TRPA1: variants seen among roughly 807,000 people sequenced by gnomAD.
TRPA1 encodes ankyrin-like with transmembrane domains 1.
A neutral mutation model predicts 131.3 loss-of-function variants in TRPA1; 129 were observed. The ratio of observed to expected loss-of-function variants is 0.98; its 90% confidence interval spans 0.85 to 1.14. The LOEUF is 1.14. Among genes scored for constraint, TRPA1 ranks in the 50% most tolerant of loss-of-function variants. TRPA1 has a pLI of 0.00. For missense variants in TRPA1, 1,304 were observed against 1,354.2 expected (o/e 0.96, Z 0.58); for synonymous variants, 441 against 451.7 (o/e 0.98, Z 0.30).
the TRPA1 span, among the ~76,000 whole-genome samples, chr8:72,089,721 A>G: frequency 6.6e-6 from 1 of 152,120 alleles, no homozygotes; most frequent in Non-Finnish European, 1.5e-5. Context: ...TTTTTACCTC[A>G]TCTAGTTCAT....
rs768604987 is a variant in TRPA1, at chr8:72,071,798, C to T, written c.181G>A (p.Asp61Asn). The change falls in exon 2 of 27, where the codon GAT becomes AAT. Residue 61 changes from aspartate (D) to asparagine (N), a missense_variant. Asp to Asn is a conservative substitution (Grantham distance 23). Coordinates refer to ENST00000262209, the MANE Select transcript of TRPA1 (RefSeq NM_007332.3). ...TAATGCAAGAAGAAGGTGTCCATAT[C>T]GTCACATCTTTTTAATTTCTTTTGC... ...NKQKKLKRCD[D>N]MDTFFLHYAA... 7.4e-6 allele frequency: 12 copies of T among 1,613,220 alleles called. No individual in the cohort carries two copies. Among genetic ancestry groups the T allele is most frequent in the East Asian group, 2.2e-5 (1 of 44,836 alleles).
chr8:72,025,921 G>T, intron 25 of TRPA1, 39 bp downstream of exon 25: 1 of 1,533,714 alleles, frequency 6.5e-7, no homozygotes, highest in Non-Finnish European at 9.0e-7. Flanking sequence ...GTCAAACAGT[G>T]TCATGTTACT....
intron 6 of TRPA1, 142 bp from the exon 7 acceptor site, chr8:72,061,903 G>T: frequency 1.1e-6 from 1 of 911,324 alleles, no homozygotes; most frequent in Non-Finnish European, 1.7e-6. Context: ...CATCTGAAAT[G>T]TGATAGATAT....
At chr8:72,068,505 T>C (rs1805981566) in intron 3 of TRPA1, among the ~76,000 whole-genome samples, 1 of 152,168 alleles carries the variant, frequency 6.6e-6, no homozygotes, top group African/African-American at 2.4e-5. Context: ...AGGCCATCCA[T>C]TCTAACAAAA....
upstream of TRPA1, among the ~76,000 whole-genome samples, chr8:72,077,276 G>A (rs1022908176): frequency 2.8e-5 from 2 of 71,404 alleles, no homozygotes; most frequent in African/African-American, 1.1e-4. Context: ...CCGAGAGACA[G>A]GGGGTGACAG....
intron 14 of TRPA1, 42 bp downstream of exon 14, chr8:72,052,557 A>G (rs752321060): frequency 1.9e-5 from 31 of 1,611,498 alleles, no homozygotes; most frequent in Non-Finnish European, 1.9e-5. Context: ...TCATCCCAAC[A>G]CCAGAGAACA....
chr8:72,061,419 A>G (rs890346259), intron 7 of TRPA1, among the ~76,000 whole-genome samples: 10 of 152,204 alleles, frequency 6.6e-5, no homozygotes, highest in Non-Finnish European at 1.2e-4. Context: ...AGGTGATTTT[A>G]TTTTGTGAAA....
chr8:72,080,180 T>C (rs1806261833), upstream of TRPA1, among the ~76,000 whole-genome samples: 1 of 151,872 alleles, frequency 6.6e-6, no homozygotes. Flanking sequence ...TAGGACATTG[T>C]TGAATAGAAG....
intron 24 of TRPA1, chr8:72,029,610 G>A: frequency 3.9e-6 from 2 of 508,376 alleles, no homozygotes; most frequent in South Asian, 2.3e-5. Flanking sequence ...TATGATGTGT[G>A]AAAGTGATGC....
chr8:72,071,944 G>A, intron 1 of TRPA1, 77 bp from the exon 2 acceptor site: 2 of 1,342,858 alleles, frequency 1.5e-6, no homozygotes, highest in East Asian at 4.6e-5. Flanking sequence ...TAGCCTGAAA[G>A]AACTTATTAT....
chr8:72,083,385 A>G, the TRPA1 span, among the ~76,000 whole-genome samples: 1 of 152,128 alleles, frequency 6.6e-6, no homozygotes, highest in Non-Finnish European at 1.5e-5. Flanking sequence ...ATTTTGGCTT[A>G]TAACTGGACG....
chr8:72,082,867 A>T, the TRPA1 span, among the ~76,000 whole-genome samples: 1 of 151,732 alleles, frequency 6.6e-6, no homozygotes, highest in East Asian at 1.9e-4. Context: ...AACAGTTTTC[A>T]GTCATAATTT....
intron 4 of TRPA1, among the ~76,000 whole-genome samples, chr8:72,064,785 TG>T (rs1805891572): frequency 6.6e-6 from 1 of 151,470 alleles, no homozygotes; most frequent in African/African-American, 2.4e-5. Flanking sequence ...AAAGTCTATT[TG>T]CCGGCATTCT....
At chr8:72,028,335 C>A (rs570457866) in intron 24 of TRPA1, among the ~76,000 whole-genome samples, 1 of 152,356 alleles carries the variant, frequency 6.6e-6, no homozygotes, top group South Asian at 2.1e-4. Flanking sequence ...CTGCAGCAAT[C>A]TAATCACCCA....
chr8:72,036,372 A>T lies in TRPA1; in HGVS notation c.2471T>A (p.Val824Asp). The change falls in exon 21 of 27, where the codon GTT becomes GAT. Residue 824 changes from valine (V) to aspartate (D), a missense_variant. By Grantham distance (152) the Val-to-Asp change is radical. Transcript: ENST00000262209. ...CCACTGCAGATGAGCTGGTATTTCA[A>T]CAAACAAGGGCAGCACAAAAATGAT... ...TGIIFVLPLF[V>D]EIPAHLQWQC... 1 of 1,614,214 alleles carries T rather than the reference A, an allele frequency of 6.2e-7. No individual in the cohort carries two copies. The highest frequency in any genetic ancestry group is 8.5e-7 in the Non-Finnish European group (1 of 1,180,018).
At chr8:72,045,203 G>A (rs1045033285) in intron 17 of TRPA1, among the ~76,000 whole-genome samples, 38 of 151,888 alleles carry the variant, frequency 2.5e-4, no homozygotes, top group African/African-American at 8.7e-4. Flanking sequence ...CATCACCAGT[G>A]TTAAAGGCAT....
the TRPA1 span, among the ~76,000 whole-genome samples, chr8:72,082,165 A>G: frequency 1.3e-5 from 2 of 152,058 alleles, no homozygotes; most frequent in South Asian, 2.1e-4. Flanking sequence ...AGTGATTACA[A>G]TGTTCATCTT....
chr8:72,026,425 T>TC (rs759899711), intron 24 of TRPA1, among the ~76,000 whole-genome samples: 10 of 152,264 alleles, frequency 6.6e-5, no homozygotes, highest in Non-Finnish European at 1.3e-4. Flanking sequence ...AAAAGGGTAG[T>TC]TCATACTCTT....
intron 25 of TRPA1, among the ~76,000 whole-genome samples, chr8:72,025,468 A>G (rs1811566684): frequency 6.6e-6 from 1 of 151,974 alleles, no homozygotes; most frequent in South Asian, 2.1e-4. Flanking sequence ...TTTATAAGCT[A>G]CCCAGTCTCG....
Sources: allele counts gnomAD v4.1 joint callset (sites outside exome capture counted in the v4.1 genomes callset), GRCh38; gene constraint gnomAD v4.1.1; transcripts MANE v1.5; gene names NCBI Gene and HGNC (gene_info 2026-07-23, HGNC 2026-07-21).